ADCY8: variants seen among roughly 807,000 people sequenced by gnomAD.
The protein encoded by ADCY8 is adenylate cyclase type 8.
ADCY8 carries 51 observed loss-of-function variants against 119.7 expected under a neutral mutation model. That is an observed-to-expected ratio of 0.43 (90% confidence interval 0.34 to 0.54). ADCY8 has a LOEUF of 0.54. Ranked by LOEUF, ADCY8 falls within the 20% of genes least tolerant of loss-of-function variation. The probability of loss-of-function intolerance (pLI) is 0.03; values close to 1 mark genes in which losing one functional copy is unlikely to be tolerated. For synonymous variants in ADCY8, 665 were observed against 651.0 expected, an observed-to-expected ratio of 1.02 and a Z score of -0.33; for missense variants, 1,383 against 1,598.8, an observed-to-expected ratio of 0.87 and a Z score of 2.30.
chr8:130,901,242 C>CT (rs34424673), intron 7 of ADCY8, among the ~76,000 whole-genome samples: 48,610 of 115,470 alleles, frequency 0.42, 10,575 homozygotes, highest in Middle Eastern at 0.5. Flanking sequence ...CATCCCTCCT[C>CT]TTTTTTTTTT....
At chr8:130,884,131 T>C (rs1237475447) in intron 8 of ADCY8, among the ~76,000 whole-genome samples, 1 of 152,126 alleles carries the variant, frequency 6.6e-6, no homozygotes, top group East Asian at 1.9e-4. Flanking sequence ...ATATCTAAAA[T>C]CTAAGAAAGA....
intron 2 of ADCY8, among the ~76,000 whole-genome samples, chr8:130,981,162 A>G (rs1271679239): frequency 2.6e-5 from 4 of 152,226 alleles, no homozygotes; most frequent in Non-Finnish European, 5.9e-5. Flanking sequence ...CATTTGCAAA[A>G]GATTAGAAGG....
intron 5 of ADCY8, among the ~76,000 whole-genome samples, chr8:130,911,054 T>C (rs1289178830): frequency 2.6e-5 from 4 of 152,220 alleles, no homozygotes; most frequent in East Asian, 1.9e-4. Flanking sequence ...AATTTGCTGA[T>C]ATTTTTGTGA....
At chr8:130,916,962 C>T (rs1820148755) in intron 5 of ADCY8, among the ~76,000 whole-genome samples, 1 of 152,122 alleles carries the variant, frequency 6.6e-6, no homozygotes, top group Non-Finnish European at 1.5e-5. Context: ...TTAAGGTCTC[C>T]CCGACCGAGC....
intron 2 of ADCY8, 53 bp from the exon 3 acceptor site, chr8:130,952,051 T>C (rs1821291121): frequency 1.9e-6 from 3 of 1,603,944 alleles, no homozygotes; most frequent in African/African-American, 1.3e-5. Context: ...GAGTCTCAGA[T>C]GGGAGGGTGG....
intron 2 of ADCY8, among the ~76,000 whole-genome samples, chr8:130,954,943 A>T (rs144526594): frequency 6.6e-6 from 1 of 152,348 alleles, no homozygotes; most frequent in African/African-American, 2.4e-5. Context: ...TTCATTAAGG[A>T]AGATGAGGGA....
At chr8:130,934,199 C>T (rs1310550751) in intron 5 of ADCY8, among the ~76,000 whole-genome samples, 1 of 152,150 alleles carries the variant, frequency 6.6e-6, no homozygotes, top group Non-Finnish European at 1.5e-5. Flanking sequence ...TCTGTTCTTG[C>T]ATTGCTATAA....
At chr8:130,952,740 G>A (rs554714431) in intron 2 of ADCY8, among the ~76,000 whole-genome samples, 1 of 152,262 alleles carries the variant, frequency 6.6e-6, no homozygotes, top group South Asian at 2.1e-4. Context: ...GACCAGGTGG[G>A]GGAAGCTCCT....
intron 7 of ADCY8, among the ~76,000 whole-genome samples, chr8:130,903,180 C>T (rs934237158): frequency 3.9e-5 from 6 of 152,116 alleles, no homozygotes; most frequent in African/African-American, 1.4e-4. Context: ...TCCTTATGTA[C>T]TGACTTAGTA....
intron 9 of ADCY8, among the ~76,000 whole-genome samples, chr8:130,851,761 C>T (rs574909616): frequency 2.3e-4 from 35 of 152,186 alleles, no homozygotes; most frequent in Non-Finnish European, 4.3e-4. Context: ...AAGTCATTAA[C>T]GATGACATTA....
At chr8:130,895,216 T>A (rs1237063861) in intron 7 of ADCY8, among the ~76,000 whole-genome samples, 1 of 152,152 alleles carries the variant, frequency 6.6e-6, no homozygotes, top group East Asian at 1.9e-4. Context: ...GTTTATTGGG[T>A]CTTGTTTGTC....
At chr8:130,840,203 A>C (rs572318446) in intron 11 of ADCY8, among the ~76,000 whole-genome samples, 1 of 138,558 alleles carries the variant, frequency 7.2e-6, no homozygotes, top group Non-Finnish European at 1.6e-5. Context: ...TTCAGGAAGG[A>C]TGTTTAGTGA....
chr8:130,867,808 A>T (rs962413403), intron 9 of ADCY8, 38 bp downstream of exon 9: 2 of 1,451,882 alleles, frequency 1.4e-6, no homozygotes, highest in Non-Finnish European at 1.9e-6. Context: ...AATCTCACAA[A>T]GATATTTCAC....
intron 5 of ADCY8, among the ~76,000 whole-genome samples, chr8:130,932,126 A>G (rs1820648371): frequency 1.3e-5 from 2 of 152,184 alleles, no homozygotes; most frequent in Non-Finnish European, 2.9e-5. Context: ...GGGGCATGCC[A>G]GAAGCCTGGG....
In ADCY8 at chr8:130,921,428, A is replaced by T. The variant is rs57153340; in HGVS notation, c.1482-11562T>A. Among the ~76,000 whole-genome samples, 913 of 148,604 alleles carry T rather than the reference A, an allele frequency of 6.1e-3. 12 individuals are homozygous for T. Among genetic ancestry groups the T allele is most frequent in the African/African-American group, 0.021 (851 of 40,510 alleles). On this transcript the variant is annotated intron_variant, in intron 5 of 17. Transcript: ENST00000286355. ...ATGTAAACCATGATGTTTAATGGTTATCCATTTTTCTTTTTCTTTTCTTTT... is the reference window on the plus strand; with the variant it reads ...ATGTAAACCATGATGTTTAATGGTTTTCCATTTTTCTTTTTCTTTTCTTTT...
intron 7 of ADCY8, among the ~76,000 whole-genome samples, chr8:130,901,016 A>G (rs1213634179): frequency 6.6e-6 from 1 of 152,134 alleles, no homozygotes; most frequent in Non-Finnish European, 1.5e-5. Context: ...TTCCAAGCAA[A>G]AAATCTAGAA....
chr8:130,948,324 G>A (rs1821166528), intron 3 of ADCY8, among the ~76,000 whole-genome samples: 1 of 152,232 alleles, frequency 6.6e-6, no homozygotes, highest in South Asian at 2.1e-4. Flanking sequence ...GATGGAGAGC[G>A]TGAATGACTT....
chr8:131,016,497 C>T (rs1006857660), intron 1 of ADCY8, among the ~76,000 whole-genome samples: 3 of 152,104 alleles, frequency 2.0e-5, no homozygotes, highest in African/African-American at 7.2e-5. Flanking sequence ...AATCGAGACC[C>T]CATCTCTCTC....
At chr8:130,781,234 A>G (rs562194278) in intron 17 of ADCY8, among the ~76,000 whole-genome samples, 1 of 152,304 alleles carries the variant, frequency 6.6e-6, no homozygotes, top group East Asian at 1.9e-4. Flanking sequence ...CAGAGCATGG[A>G]CCAGAAGTCA....
Sources: gnomAD v4.1 joint callset for allele counts (sites outside exome capture counted in the v4.1 genomes callset) on GRCh38, gnomAD v4.1.1 for gene constraint, MANE v1.5 for transcripts, NCBI Gene and HGNC (gene_info 2026-07-23, HGNC 2026-07-21) for gene names.